Variants in UBE2E2 observed in about 807,000 individuals in gnomAD.
UBE2E2 encodes the protein ubiquitin conjugating enzyme E2 E2, also known as ubiquitin-conjugating enzyme E2 E2.
Under a neutral mutation model 24.7 loss-of-function variants are expected in UBE2E2, and 6 were observed. That is an observed-to-expected ratio of 0.24 (90% CI 0.13 to 0.48). UBE2E2 has a LOEUF of 0.48. Among genes scored for constraint, UBE2E2 ranks in the 20% least tolerant of loss-of-function variants. The probability of loss-of-function intolerance (pLI) is 0.99; values close to 1 mark genes in which losing one functional copy is unlikely to be tolerated. For missense variants in UBE2E2, 169 were observed against 245.0 expected (o/e 0.69, Z 2.07); for synonymous variants, 104 against 83.6 (o/e 1.24, Z -1.33).
At chr3:23,418,562 C>T (rs1697708931) in intron 3 of UBE2E2, among the ~76,000 whole-genome samples, 1 of 152,092 alleles carries the variant, frequency 6.6e-6, no homozygotes, top group African/African-American at 2.4e-5. Flanking sequence ...AGGCTGTTCT[C>T]GAACTCCTCA....
At chr3:23,522,152 G>GCAGAGC (rs1221066946) in intron 4 of UBE2E2, among the ~76,000 whole-genome samples, 5 of 141,212 alleles carry the variant, frequency 3.5e-5, no homozygotes, top group African/African-American at 1.4e-4. Context: ...TTTTTTTGAG[G>GCAGAGC]CAGAGTCTCG....
chr3:23,337,940 T>C (rs1373880300), intron 3 of UBE2E2, among the ~76,000 whole-genome samples: 1 of 152,096 alleles, frequency 6.6e-6, no homozygotes, highest in Non-Finnish European at 1.5e-5. Flanking sequence ...AAATTGGATG[T>C]GGGGAGATGA....
At chr3:23,534,815 A>G (rs1320975428) in intron 5 of UBE2E2, among the ~76,000 whole-genome samples, 4 of 152,200 alleles carry the variant, frequency 2.6e-5, no homozygotes, top group Admixed American at 2.6e-4. Flanking sequence ...TTGATAGAAT[A>G]GGAATAAATA....
At chr3:23,443,586 G>A (rs1372293065) in intron 3 of UBE2E2, among the ~76,000 whole-genome samples, 1 of 152,124 alleles carries the variant, frequency 6.6e-6, no homozygotes, top group East Asian at 1.9e-4. Context: ...TATGCAAGTG[G>A]GGAATCCAAA....
intron 3 of UBE2E2, among the ~76,000 whole-genome samples, chr3:23,467,305 A>T (rs780173345): frequency 2.0e-5 from 3 of 152,182 alleles, no homozygotes; most frequent in Non-Finnish European, 2.9e-5. Flanking sequence ...GTTTGAAAAC[A>T]ATTTAACTTG....
chr3:23,458,158 T>A (rs545227938), intron 3 of UBE2E2, among the ~76,000 whole-genome samples: 1 of 152,222 alleles, frequency 6.6e-6, no homozygotes, highest in African/African-American at 2.4e-5. Context: ...ATGAGAGAGA[T>A]GTGATTCTTC....
At chr3:23,320,263 A>G (rs1039362737) in intron 3 of UBE2E2, among the ~76,000 whole-genome samples, 2 of 152,152 alleles carry the variant, frequency 1.3e-5, no homozygotes, top group Admixed American at 6.5e-5. Flanking sequence ...TCAAGTTGTT[A>G]TTATCTCCAA....
intron 3 of UBE2E2, among the ~76,000 whole-genome samples, chr3:23,357,523 T>TA (rs1695992216): frequency 6.6e-6 from 1 of 152,166 alleles, no homozygotes; most frequent in South Asian, 2.1e-4. Context: ...AGCATTTTTT[T>TA]AAATAATCCT....
At chr3:23,567,062 C>G (rs1266372988) in intron 5 of UBE2E2, among the ~76,000 whole-genome samples, 2 of 152,150 alleles carry the variant, frequency 1.3e-5, no homozygotes, top group Non-Finnish European at 2.9e-5. Flanking sequence ...AAGATGCATT[C>G]TAGGATCAGT....
chr3:23,532,520 G>A (rs558370627), intron 4 of UBE2E2, 34 bp from the exon 5 acceptor site: 5 of 1,482,706 alleles, frequency 3.4e-6, no homozygotes, highest in East Asian at 4.6e-5. Context: ...TAAACACTTT[G>A]TCTAACAAAA....
intron 3 of UBE2E2, among the ~76,000 whole-genome samples, chr3:23,294,204 C>A (rs1021520112): frequency 3.3e-5 from 5 of 152,224 alleles, no homozygotes; most frequent in East Asian, 1.9e-4. Flanking sequence ...ATTTAAATAA[C>A]CTTGGCAGAA....
rs181752853 is a variant in UBE2E2, at chr3:23,487,914, G to A, written c.228-11694G>A. On this transcript the variant is annotated intron_variant, in intron 3 of 5. Transcript: ENST00000396703. Reference sequence around the variant, plus strand: ...CTTCCACTTCCTCTGCTTTGATAACGTTGGCTTCCAGACAGCGTGGTAGAA... The same window carrying A: ...CTTCCACTTCCTCTGCTTTGATAACATTGGCTTCCAGACAGCGTGGTAGAA... Among the ~76,000 whole-genome samples the A allele has an allele frequency of 5.3e-5, 8 of 151,902 alleles. No homozygotes were observed. The South Asian group carries it at 8.3e-4, about 16-fold the overall frequency.
chr3:23,461,123 C>T (rs1464710104), intron 3 of UBE2E2, among the ~76,000 whole-genome samples: 2 of 152,098 alleles, frequency 1.3e-5, no homozygotes, highest in African/African-American at 4.8e-5. Context: ...ATAATTTACA[C>T]ACCGTCCACC....
intron 3 of UBE2E2, among the ~76,000 whole-genome samples, chr3:23,451,355 A>G (rs925327098): frequency 6.6e-6 from 1 of 152,226 alleles, no homozygotes. Flanking sequence ...GTACTTACCT[A>G]AGTCTCATTA....
intron 3 of UBE2E2, among the ~76,000 whole-genome samples, chr3:23,264,717 A>G (rs1230430592): frequency 6.6e-6 from 1 of 152,242 alleles, no homozygotes; most frequent in Non-Finnish European, 1.5e-5. Context: ...TTTGCCAGTC[A>G]ATCCTTGGTT....
At chr3:23,251,829 G>A (rs773521499) in intron 3 of UBE2E2, among the ~76,000 whole-genome samples, 20 of 152,108 alleles carry the variant, frequency 1.3e-4, no homozygotes, top group Non-Finnish European at 2.8e-4. Flanking sequence ...CTAGGGTAAG[G>A]TTACCAGCAA....
chr3:23,373,101 T>TCCA (rs2125342214), intron 3 of UBE2E2, among the ~76,000 whole-genome samples: 1 of 152,228 alleles, frequency 6.6e-6, no homozygotes, highest in African/African-American at 2.4e-5. Flanking sequence ...GCCTCTAAAC[T>TCCA]CCAGACCCTT....
intron 3 of UBE2E2, among the ~76,000 whole-genome samples, chr3:23,291,627 AAAAT>A (rs1047873669): frequency 3.3e-5 from 5 of 151,906 alleles, no homozygotes; most frequent in Non-Finnish European, 7.4e-5. Context: ...CAAAATGAGA[AAAAT>A]AAAACAATGT....
chr3:23,271,139 A>G, intron 3 of UBE2E2: 1 of 422,238 alleles, frequency 2.4e-6, no homozygotes, highest in Non-Finnish European at 4.7e-6. Context: ...ATTCTAATGG[A>G]CCTTCAAAAG....
Sources: allele counts gnomAD v4.1 joint callset (sites outside exome capture counted in the v4.1 genomes callset), GRCh38; gene constraint gnomAD v4.1.1; transcripts MANE v1.5; gene names NCBI Gene and HGNC (gene_info 2026-07-23, HGNC 2026-07-21).